The following MAP4 variants were observed in gnomAD, a reference collection of about 807,000 sequenced individuals.
MAP4 encodes the protein microtubule associated protein 4.
MAP4 carries 76 observed loss-of-function variants against 170.2 expected under a neutral mutation model. The observed-to-expected ratio is 0.45, with a 90% CI of 0.37 to 0.54. The LOEUF (loss-of-function observed/expected upper bound fraction) is 0.54, where lower values mean the gene tolerates loss of function less well. Among genes scored for constraint, MAP4 ranks in the 20% least tolerant of loss-of-function variants. The pLI, the probability that MAP4 is intolerant of heterozygous loss-of-function variation, is 0.00. For synonymous variants in MAP4, 909 were observed against 994.5 expected (o/e 0.91, Z 1.62); for missense variants, 2,506 against 2,748.0 (o/e 0.91, Z 1.97).
chr3:47,900,627 T>A (rs974004981), intron 10 of MAP4, among the ~76,000 whole-genome samples: 20 of 152,164 alleles, frequency 1.3e-4, no homozygotes, highest in African/African-American at 4.8e-4. Flanking sequence ...TCCCAGCTAC[T>A]TGGGAGGCTG....
intron 1 of MAP4, among the ~76,000 whole-genome samples, chr3:48,064,113 G>A (rs2100137245): frequency 6.6e-6 from 1 of 152,094 alleles, no homozygotes; most frequent in South Asian, 2.1e-4. Flanking sequence ...TTCCTGGCTG[G>A]GGACTAGACT....
Position 47,974,538 on chromosome 3 carries a change from A to C in MAP4, c.292+3327T>G, listed in dbSNP as rs930636638. On this transcript the variant is annotated intron_variant, in intron 3 of 20. Coordinates refer to ENST00000683076, the MANE Select transcript of MAP4 (RefSeq NM_001385682.1). Reference sequence around the variant, plus strand: ...TTATAAGAAGCTGCATAATCAGTAAAAGGATAGAAAACTTTAAAGTATTTC... The same window carrying C: ...TTATAAGAAGCTGCATAATCAGTAACAGGATAGAAAACTTTAAAGTATTTC... 5 of 978,210 alleles carry C rather than the reference A, an allele frequency of 5.1e-6. No homozygotes were observed. The African/African-American group carries it at 7.0e-5, about 14-fold the overall frequency. The allele number at this position is 978,210 out of a possible 1,614,324, so 60.6% of individuals were successfully genotyped here. A position where few individuals can be genotyped will look rare whatever the true frequency, so the allele number is the denominator to read the frequency against.
intron 10 of MAP4, among the ~76,000 whole-genome samples, chr3:47,887,311 G>T (rs1163696469): frequency 6.6e-6 from 1 of 152,256 alleles, no homozygotes; most frequent in Non-Finnish European, 1.5e-5. Context: ...CAGCCAGCCA[G>T]CCCTGCTGGC....
intron 1 of MAP4, among the ~76,000 whole-genome samples, chr3:48,028,162 C>T (rs544561648): frequency 6.6e-6 from 1 of 152,086 alleles, no homozygotes; most frequent in Non-Finnish European, 1.5e-5. Flanking sequence ...TGTGGTAGCA[C>T]ACGCCTATAG....
intron 1 of MAP4, among the ~76,000 whole-genome samples, chr3:48,056,324 G>A (rs1251913478): frequency 1.4e-3 from 95 of 69,840 alleles, no homozygotes; most frequent in Admixed American, 2.1e-3. Context: ...GCCTCTGCCC[G>A]GCCGCCCCTA....
In MAP4 at chr3:47,928,255, C is replaced by G; in HGVS notation, c.388G>C (p.Glu130Gln). Residue 130 changes from glutamate to glutamine, a missense_variant, in exon 4 of 21, where the codon GAG becomes CAG. Transcript: ENST00000683076. ...PEDTNFCFQP[E>Q]QVVDPIQTDP... ...GTCTGGATAGGATCGACCACTTGCT[C>G]AGGTTGGAAACAAAAGTTGGTATCT... is the stretch of plus-strand genomic sequence containing the variant. 5 of 1,614,030 alleles carry G rather than the reference C, an allele frequency of 3.1e-6. No individual in the cohort carries two copies. Among genetic ancestry groups the G allele is most frequent in the East Asian group, 2.2e-5 (1 of 44,894 alleles).
At chr3:47,960,411 T>TA (rs1292791626) in intron 3 of MAP4, 1 of 231,156 alleles carries the variant, frequency 4.3e-6, no homozygotes, top group Non-Finnish European at 9.6e-6. Context: ...CAACAGGCGC[T>TA]AAATTCAAAA....
chr3:48,072,235 C>T (rs1367029518), intron 1 of MAP4, among the ~76,000 whole-genome samples: 5 of 152,056 alleles, frequency 3.3e-5, no homozygotes, highest in Admixed American at 1.3e-4. Flanking sequence ...TGGCCAGGCA[C>T]GCTGGCTCAT....
Position 47,852,714 on chromosome 3 carries a change from TGC to T in MAP4, c.*218_*219del. ...GAGAGGAGGTGTGGGGCAGGGCTGC[TGC>T]TGCCCCGGGCACGCAAAGCAGGAGG... On this transcript the variant is annotated 3_prime_UTR_variant, in exon 21 of 21. Coordinates refer to ENST00000683076, the MANE Select transcript of MAP4 (RefSeq NM_001385682.1). The T allele has an allele frequency of 6.6e-7, 1 of 1,505,676 alleles. No homozygotes were observed. Among genetic ancestry groups the T allele is most frequent in the East Asian group, 2.5e-5 (1 of 40,656 alleles). 93.3% of individuals were successfully genotyped at this position (1,505,676 alleles called of 1,614,324 possible). A position where few individuals can be genotyped will look rare whatever the true frequency, so the allele number is the denominator to read the frequency against.
intron 10 of MAP4, among the ~76,000 whole-genome samples, chr3:47,889,701 G>C (rs2098241144): frequency 1.3e-5 from 2 of 152,100 alleles, no homozygotes; most frequent in South Asian, 2.1e-4. Flanking sequence ...TGATCACCTA[G>C]AAGTTATGTG....
At chr3:48,067,693 G>A (rs554748381) in intron 1 of MAP4, among the ~76,000 whole-genome samples, 4 of 150,386 alleles carry the variant, frequency 2.7e-5, no homozygotes, top group African/African-American at 9.8e-5. Flanking sequence ...AGGCTGGAGT[G>A]CGGTGGCACA....
chr3:48,057,842 G>A (rs1003846073), intron 1 of MAP4, among the ~76,000 whole-genome samples: 1 of 151,980 alleles, frequency 6.6e-6, no homozygotes, highest in Non-Finnish European at 1.5e-5. Context: ...GTGTACAAGG[G>A]ATATCTCTGT....
At position 47,955,419 on chromosome 3, in the gene MAP4, T is replaced by A. The variant is rs866657314; in HGVS notation, c.292+22446A>T. ...TTGATCGCGTGACATTCCAAAAAAA[T>A]AAATAAATAAGCACGTACACACACA... On this transcript the variant is annotated intron_variant, in intron 3 of 20. Transcript: ENST00000683076. Among the ~76,000 whole-genome samples the A allele has an allele frequency of 5.3e-5, 7 of 131,018 alleles. 1 individual carries two copies. In the Middle Eastern group the frequency reaches 0.012, roughly 223 times the overall value. The allele number at this position is 131,018 out of a possible 152,430, so 86.0% of individuals were successfully genotyped here.
chr3:47,895,017 T>C (rs1356330167), intron 10 of MAP4, among the ~76,000 whole-genome samples: 5 of 142,294 alleles, frequency 3.5e-5, no homozygotes, highest in Non-Finnish European at 6.0e-5. Flanking sequence ...GAGGAAACCC[T>C]GTCCAAAAAA....
Position 47,916,077 on chromosome 3 carries a change from C to T in MAP4, c.1750G>A (p.Ala584Thr), listed in dbSNP as rs1160804831. 6.2e-7 allele frequency: 1 copy of T among 1,614,178 alleles called. No homozygotes were observed. The highest frequency in any genetic ancestry group is 8.5e-7 in the Non-Finnish European group (1 of 1,180,030). Reference protein sequence around the residue: ...KDVPPLSETEATPVPIKDMEI... With the variant: ...KDVPPLSETETTPVPIKDMEI... ...ATGTCTTTAATTGGAACTGGTGTTGCCTCTGTTTCTGAGAGTGGTGGAACA... is the reference window on the plus strand; with the variant it reads ...ATGTCTTTAATTGGAACTGGTGTTGTCTCTGTTTCTGAGAGTGGTGGAACA... Residue 584 changes from alanine to threonine, a missense_variant, in exon 7 of 21, where the codon GCA becomes ACA. Coordinates refer to ENST00000683076, the MANE Select transcript of MAP4 (RefSeq NM_001385682.1).
chr3:47,865,135 CAAAA>C (rs111560649), intron 17 of MAP4, among the ~76,000 whole-genome samples: 1,819 of 152,172 alleles, frequency 0.012, 39 homozygotes, highest in African/African-American at 0.041. Flanking sequence ...CAAAACAAAA[CAAAA>C]AACCCTACAC....
chr3:47,905,820 C>G lies in MAP4; in HGVS notation c.5384-2820G>C, dbSNP rs558802128. On this transcript the variant is annotated intron_variant, in intron 9 of 20. Transcript: ENST00000683076. ...ACCAGCCTGGCCAACATAGTGAAACCCAGCTCTACTAAAAATACAAAAAAT... is the reference window on the plus strand; with the variant it reads ...ACCAGCCTGGCCAACATAGTGAAACGCAGCTCTACTAAAAATACAAAAAAT... Among the ~76,000 whole-genome samples the G allele has an allele frequency of 2.6e-5, 4 of 151,982 alleles. No homozygotes were observed. In the South Asian group the frequency reaches 8.3e-4, roughly 32 times the overall value.
intron 1 of MAP4, among the ~76,000 whole-genome samples, chr3:48,030,765 C>T (rs2100115627): frequency 7.5e-6 from 1 of 133,850 alleles, no homozygotes; most frequent in Non-Finnish European, 1.5e-5. Context: ...TACCACTGCA[C>T]TCCAGCCTGG....
chr3:47,928,404 A>G, intron 3 of MAP4, 54 bp from the exon 4 acceptor site: 2 of 1,564,924 alleles, frequency 1.3e-6, no homozygotes, highest in South Asian at 2.2e-5. Flanking sequence ...TTTCTCCTCC[A>G]CTACAGTGGA....
Sources: gnomAD v4.1 joint callset for allele counts (sites outside exome capture counted in the v4.1 genomes callset) on GRCh38, gnomAD v4.1.1 for gene constraint, MANE v1.5 for transcripts, NCBI Gene and HGNC (gene_info 2026-07-23, HGNC 2026-07-21) for gene names.